SLC4A4: variants seen among roughly 807,000 people sequenced by gnomAD.
The protein encoded by SLC4A4 is electrogenic sodium bicarbonate cotransporter 1.
Under a neutral mutation model 111.5 loss-of-function variants are expected in SLC4A4, and 27 were observed. The ratio of observed to expected loss-of-function variants is 0.24; its 90% CI spans 0.18 to 0.33. The LOEUF is 0.33. Ranked by LOEUF, SLC4A4 falls within the 10% of genes least tolerant of loss-of-function variation. SLC4A4 has a pLI of 1.00. For synonymous variants in SLC4A4, 443 were observed against 463.4 expected, an observed-to-expected ratio of 0.96 and a Z score of 0.57; for missense variants, 909 against 1,315.5, an observed-to-expected ratio of 0.69 and a Z score of 4.78.
intron 3 of SLC4A4, among the ~76,000 whole-genome samples, chr4:71,280,441 C>T (rs563668631): frequency 2.0e-5 from 3 of 152,244 alleles, no homozygotes; most frequent in South Asian, 4.1e-4. Context: ...GTTGCTTGTG[C>T]TTTTGGTATT....
chr4:71,229,541 C>T (rs1719268419), intron 1 of SLC4A4, among the ~76,000 whole-genome samples: 4 of 152,186 alleles, frequency 2.6e-5, no homozygotes, highest in Admixed American at 1.3e-4. Context: ...GTGGGGCTCT[C>T]ACCTATTTCC....
chr4:71,096,448 A>C (rs577751127), intron 2 of SLC4A4, among the ~76,000 whole-genome samples: 1 of 152,328 alleles, frequency 6.6e-6, no homozygotes, highest in Non-Finnish European at 1.5e-5. Flanking sequence ...GAATCGCAGA[A>C]GTGAAAGGAG....
intron 3 of SLC4A4, among the ~76,000 whole-genome samples, chr4:71,297,527 C>T (rs1318331596): frequency 1.3e-5 from 2 of 150,630 alleles, no homozygotes; most frequent in Non-Finnish European, 3.0e-5. Flanking sequence ...CACACACACA[C>T]ACACACACAC....
At chr4:71,315,167 C>T (rs1057425328) in intron 3 of SLC4A4, among the ~76,000 whole-genome samples, 4 of 152,088 alleles carry the variant, frequency 2.6e-5, no homozygotes, top group African/African-American at 9.7e-5. Flanking sequence ...TAGGTTTCTT[C>T]CTTTCCCACA....
At chr4:71,251,890 C>T (rs1294795825) in intron 2 of SLC4A4, among the ~76,000 whole-genome samples, 1 of 151,928 alleles carries the variant, frequency 6.6e-6, no homozygotes, top group Non-Finnish European at 1.5e-5. Context: ...TTAACTATCC[C>T]TGATTCTTTA....
At chr4:71,542,398 T>C (rs1382065487) in intron 18 of SLC4A4, among the ~76,000 whole-genome samples, 1 of 152,112 alleles carries the variant, frequency 6.6e-6, no homozygotes, top group African/African-American at 2.4e-5. Flanking sequence ...GCCATCCTTC[T>C]AAATAGAAAT....
At chr4:71,127,850 A>G (rs1279820117) in intron 2 of SLC4A4, among the ~76,000 whole-genome samples, 1 of 152,200 alleles carries the variant, frequency 6.6e-6, no homozygotes, top group African/African-American at 2.4e-5. Context: ...TCGGCTGGGC[A>G]CGGTGGCTCA....
intron 1 of SLC4A4, among the ~76,000 whole-genome samples, chr4:71,092,257 CTT>C (rs990529100): frequency 2.3e-4 from 28 of 122,856 alleles, no homozygotes; most frequent in South Asian, 2.8e-4. Flanking sequence ...AGAAGCTTCT[CTT>C]AACTTAGAGA....
chr4:71,237,815 T>C (rs1344169840), intron 2 of SLC4A4, among the ~76,000 whole-genome samples: 2 of 152,220 alleles, frequency 1.3e-5, no homozygotes, highest in Non-Finnish European at 2.9e-5. Flanking sequence ...CCCGCATTTA[T>C]GCTCTTGAGA....
At chr4:71,178,030 C>A (rs962324570) in intron 2 of SLC4A4, among the ~76,000 whole-genome samples, 10 of 152,154 alleles carry the variant, frequency 6.6e-5, no homozygotes, top group Non-Finnish European at 1.3e-4. Flanking sequence ...GAAACTCACT[C>A]AAAACCGCTC....
intron 11 of SLC4A4, 89 bp downstream of exon 11, chr4:71,451,390 G>C (rs1364713174): frequency 2.3e-5 from 20 of 855,238 alleles, no homozygotes; most frequent in Non-Finnish European, 4.0e-5. Flanking sequence ...TCACTAGTTT[G>C]TTCATCTGTT....
chr4:71,516,133 TCACCCAGGCTGGAGTGCAGTGG>T (rs1208534963), intron 16 of SLC4A4, among the ~76,000 whole-genome samples: 1 of 108,696 alleles, frequency 9.2e-6, no homozygotes, highest in Non-Finnish European at 1.7e-5. Flanking sequence ...TCTCGCTCTG[TCACCCAGGCTGGAGTGCAGTGG>T]CATGATCTTG....
Position 71,345,576 on chromosome 4 carries a change from C to G in SLC4A4, c.390-4336C>G, listed in dbSNP as rs73826257. On this transcript the variant is annotated intron_variant, in intron 4 of 25. Transcript: ENST00000264485. Reference sequence around the variant, plus strand: ...TGATGTTTTACTTCCAACTGGACACCACAAATGTACACCCACTTGTGTTTC... The same window carrying G: ...TGATGTTTTACTTCCAACTGGACACGACAAATGTACACCCACTTGTGTTTC... Among the ~76,000 whole-genome samples, 1,204 of 152,056 alleles carry G rather than the reference C, an allele frequency of 7.9e-3. 17 individuals carry two copies. The highest frequency in any genetic ancestry group is 0.026 in the African/African-American group (1,066 of 41,478).
chr4:71,115,919 A>G (rs987063769), intron 2 of SLC4A4, among the ~76,000 whole-genome samples: 1 of 152,066 alleles, frequency 6.6e-6, no homozygotes, highest in African/African-American at 2.4e-5. Flanking sequence ...TTGGAGACGG[A>G]GTTTCACTCT....
intron 7 of SLC4A4, chr4:71,436,991 A>G: frequency 2.8e-6 from 1 of 360,352 alleles, no homozygotes; most frequent in South Asian, 2.2e-5. Flanking sequence ...AGATTCTTCA[A>G]AATACTTTCT....
At chr4:71,501,552 AATTT>A (rs1730924296) in intron 16 of SLC4A4, among the ~76,000 whole-genome samples, 1 of 148,866 alleles carries the variant, frequency 6.7e-6, no homozygotes, top group East Asian at 2.0e-4. Flanking sequence ...TTAATCACTG[AATTT>A]ATTTATTTCA....
At chr4:71,091,664 C>T (rs1378875050) in intron 1 of SLC4A4, among the ~76,000 whole-genome samples, 2 of 152,178 alleles carry the variant, frequency 1.3e-5, no homozygotes, top group Non-Finnish European at 1.5e-5. Flanking sequence ...TCACAATCAG[C>T]GTTTCTATGG....
intron 16 of SLC4A4, among the ~76,000 whole-genome samples, chr4:71,508,209 T>A (rs1366067481): frequency 6.6e-6 from 1 of 152,032 alleles, no homozygotes; most frequent in East Asian, 1.9e-4. Context: ...ACCCGAAAGC[T>A]AGCAGAAGAC....
intron 16 of SLC4A4, among the ~76,000 whole-genome samples, chr4:71,501,732 G>T (rs1222570378): frequency 6.6e-6 from 1 of 152,008 alleles, no homozygotes; most frequent in Non-Finnish European, 1.5e-5. Context: ...TGCCATCTCA[G>T]CTCACTGCAA....
Sources: gnomAD v4.1 joint callset for allele counts (sites outside exome capture counted in the v4.1 genomes callset) on GRCh38, gnomAD v4.1.1 for gene constraint, MANE v1.5 for transcripts, NCBI Gene and HGNC (gene_info 2026-07-23, HGNC 2026-07-21) for gene names.